The following ERBB4 variants were observed in gnomAD, a reference collection of about 807,000 sequenced individuals.
The protein encoded by ERBB4 is erb-b2 receptor tyrosine kinase 4, also known as receptor tyrosine-protein kinase erbB-4.
A neutral mutation model predicts 158.0 loss-of-function variants in ERBB4; 42 were observed. The observed-to-expected ratio is 0.27, with a 90% CI of 0.21 to 0.34. The LOEUF (loss-of-function observed/expected upper bound fraction) is 0.34, where lower values mean the gene tolerates loss of function less well. Among genes scored for constraint, ERBB4 ranks in the 10% least tolerant of loss-of-function variants. The pLI is 1.00. For missense variants in ERBB4, 1,333 were observed against 1,624.1 expected (o/e 0.82, Z 3.08); for synonymous variants, 583 against 558.7 (o/e 1.04, Z -0.61).
intron 3 of ERBB4, among the ~76,000 whole-genome samples, chr2:211,814,011 T>C (rs1170955632): frequency 6.6e-6 from 1 of 152,122 alleles, no homozygotes; most frequent in East Asian, 1.9e-4. Context: ...TTACACATTA[T>C]GTATACATAT....
At chr2:211,576,119 G>A (rs1233497864) in intron 19 of ERBB4, among the ~76,000 whole-genome samples, 1 of 151,944 alleles carries the variant, frequency 6.6e-6, no homozygotes, top group East Asian at 1.9e-4. Flanking sequence ...TAATATAGTA[G>A]CAGTAAATAA....
chr2:212,304,980 A>G (rs2086758881), intron 1 of ERBB4, among the ~76,000 whole-genome samples: 1 of 151,430 alleles, frequency 6.6e-6, no homozygotes, highest in Non-Finnish European at 1.5e-5. Context: ...AGCCAATAAC[A>G]AGAGAGAAAT....
At chr2:212,239,122 T>G (rs1044220925) in intron 1 of ERBB4, among the ~76,000 whole-genome samples, 5 of 152,224 alleles carry the variant, frequency 3.3e-5, no homozygotes, top group African/African-American at 1.2e-4. Context: ...GATTCAGTCA[T>G]AGCTCACTGT....
intron 20 of ERBB4, among the ~76,000 whole-genome samples, chr2:211,491,143 A>G (rs1668906061): frequency 1.3e-5 from 2 of 152,222 alleles, no homozygotes; most frequent in South Asian, 2.1e-4. Flanking sequence ...AGATTTATCA[A>G]AGACTGATTC....
At chr2:212,497,709 A>T (rs975569821) in intron 1 of ERBB4, among the ~76,000 whole-genome samples, 1 of 152,146 alleles carries the variant, frequency 6.6e-6, no homozygotes. Context: ...CAAATAAATG[A>T]CTACAAGATC....
chr2:211,827,336 G>T (rs2077123818), intron 3 of ERBB4, among the ~76,000 whole-genome samples: 1 of 151,950 alleles, frequency 6.6e-6, no homozygotes. Flanking sequence ...ATTTCCTTCT[G>T]CAAGACACAA....
At chr2:212,327,371 G>A (rs968364723) in intron 1 of ERBB4, among the ~76,000 whole-genome samples, 61 of 151,942 alleles carry the variant, frequency 4.0e-4, no homozygotes, top group Non-Finnish European at 8.7e-4. Context: ...GCTGGAAATA[G>A]AACTTCAACA....
Position 211,384,075 on chromosome 2 carries a change from A to G in ERBB4, c.3482-15T>C, listed in dbSNP as rs779575793. On this transcript the variant is annotated splice_polypyrimidine_tract_variant and intron_variant, in intron 27 of 27. Transcript: ENST00000342788. ...ATTCAGGTATTCTAAAGGAATAAAA[A>G]AATATCAGCTAACCTCTAGTTTCTG... 3 of 1,584,732 alleles carry G rather than the reference A, an allele frequency of 1.9e-6. No homozygotes were observed. The highest frequency in any genetic ancestry group is 2.2e-5 in the South Asian group (2 of 90,526).
chr2:211,428,425 C>T lies in ERBB4; in HGVS notation c.2702G>A (p.Ser901Asn), dbSNP rs1300662053. 1 of 1,589,784 alleles carries T rather than the reference C, an allele frequency of 6.3e-7. No homozygotes were observed. Among genetic ancestry groups the T allele is most frequent in the Non-Finnish European group, 8.6e-7 (1 of 1,158,978 alleles). The change falls in exon 22 of 28, where the codon AGT (serine) becomes AAT (asparagine). Residue 901 changes from serine (S) to asparagine (N), a missense_variant. Physicochemically the swap from Ser to Asn is conservative, Grantham distance 46. Coordinates refer to ENST00000342788, the MANE Select transcript of ERBB4 (RefSeq NM_005235.3). Reference protein sequence around the residue: ...CIHYRKFTHQSDVWSYGVTIW... With the variant: ...CIHYRKFTHQNDVWSYGVTIW... ...TTATTTACCATAGCTCCAAACGTCACTCTGATGGGTGAATTTCCTGTAATG... is the reference window on the plus strand; with the variant it reads ...TTATTTACCATAGCTCCAAACGTCATTCTGATGGGTGAATTTCCTGTAATG...
At chr2:211,758,741 A>T (rs1189193603) in intron 4 of ERBB4, among the ~76,000 whole-genome samples, 1 of 152,206 alleles carries the variant, frequency 6.6e-6, no homozygotes, top group Non-Finnish European at 1.5e-5. Flanking sequence ...CATCTTTCAG[A>T]TGTACTCAAT....
intron 12 of ERBB4, among the ~76,000 whole-genome samples, chr2:211,686,245 T>C (rs114849355): frequency 0.017 from 2,530 of 152,290 alleles, 75 homozygotes; most frequent in African/African-American, 0.058. Context: ...AGGATTTTTG[T>C]AGATGGTCTT....
chr2:211,602,546 C>T (rs765971489), intron 19 of ERBB4, among the ~76,000 whole-genome samples: 2 of 152,154 alleles, frequency 1.3e-5, no homozygotes, highest in Non-Finnish European at 2.9e-5. Flanking sequence ...CAAAACACAA[C>T]TCAAACAAAG....
At chr2:211,761,157 T>C (rs2075400964) in intron 4 of ERBB4, among the ~76,000 whole-genome samples, 1 of 138,244 alleles carries the variant, frequency 7.2e-6, no homozygotes, top group South Asian at 2.2e-4. Context: ...ATTGCGCCAC[T>C]GTACTCCAGC....
At chr2:212,448,119 C>T (rs73079466) in intron 1 of ERBB4, among the ~76,000 whole-genome samples, 2,465 of 152,148 alleles carry the variant, frequency 0.016, 73 homozygotes, top group African/African-American at 0.056. Flanking sequence ...GTTTCTTTAA[C>T]TGTAATCTCT....
chr2:211,638,679 T>C (rs1356813878), intron 16 of ERBB4, among the ~76,000 whole-genome samples: 1 of 152,176 alleles, frequency 6.6e-6, no homozygotes, highest in Non-Finnish European at 1.5e-5. Context: ...ATCAATCTTT[T>C]TTTCAATATG....
rs535673677 is a variant in ERBB4, at chr2:212,426,699, T to G, written c.82+111750A>C. On this transcript the variant is annotated intron_variant, in intron 1 of 27. Transcript: ENST00000342788. Reference sequence around the variant, plus strand: ...CGCTTGTACCACCACCTATCCACACTCTCACACAATCACCCCTTTTGAAGT... The same window carrying G: ...CGCTTGTACCACCACCTATCCACACGCTCACACAATCACCCCTTTTGAAGT... 2.0e-5 allele frequency among the ~76,000 whole-genome samples: 3 copies of G among 152,130 alleles called. No homozygotes were observed. In the South Asian group the frequency reaches 6.2e-4, roughly 32 times the overall value.
At chr2:211,777,467 T>G (rs911598318) in intron 4 of ERBB4, 3 of 152,178 alleles carry the variant, frequency 2.0e-5, no homozygotes, top group Admixed American at 2.0e-4. Flanking sequence ...ACAACTGCAT[T>G]TCTATCACTC....
At chr2:212,399,449 C>T (rs958371008) in intron 1 of ERBB4, among the ~76,000 whole-genome samples, 2 of 150,410 alleles carry the variant, frequency 1.3e-5, no homozygotes, top group African/African-American at 4.9e-5. Context: ...TGATTCTGCA[C>T]AATGGTGATC....
chr2:212,399,536 T>TTATACATATATA (rs1560213898), intron 1 of ERBB4, among the ~76,000 whole-genome samples: 20 of 20,720 alleles, frequency 9.7e-4, no homozygotes, highest in African/African-American at 3.9e-3. Flanking sequence ...GATATATATT[T>TTATACATATATA]TATATATACA....
Sources: gnomAD v4.1 joint callset for allele counts (sites outside exome capture counted in the v4.1 genomes callset) on GRCh38, gnomAD v4.1.1 for gene constraint, MANE v1.5 for transcripts, NCBI Gene and HGNC (gene_info 2026-07-23, HGNC 2026-07-21) for gene names.